RNF216: variants seen among roughly 807,000 people sequenced by gnomAD.
The protein encoded by RNF216 is ring finger protein 216, also known as E3 ubiquitin-protein ligase RNF216.
A neutral mutation model predicts 110.8 loss-of-function variants in RNF216; 72 were observed. That is an observed-to-expected ratio of 0.65 (90% CI 0.54 to 0.79). The LOEUF (loss-of-function observed/expected upper bound fraction) is 0.79. Among genes scored for constraint, RNF216 ranks in the 30% least tolerant of loss-of-function variants. The probability of loss-of-function intolerance (pLI) is 0.00; values close to 1 mark genes in which losing one functional copy is unlikely to be tolerated. For missense variants in RNF216, 1,342 were observed against 1,141.2 expected (o/e 1.18, Z -2.54); for synonymous variants, 495 against 407.5 (o/e 1.21, Z -2.59).
intron 5 of RNF216, among the ~76,000 whole-genome samples, chr7:5,739,029 A>C (rs1794599763): frequency 6.6e-6 from 1 of 152,192 alleles, no homozygotes. Flanking sequence ...TATAGAAAGA[A>C]AGTAGGATGG....
Position 5,624,059 on chromosome 7 carries a change from C to T in RNF216, c.2449G>A (p.Gly817Arg), listed in dbSNP as rs1173916437. The T allele has an allele frequency of 1.2e-6, 2 of 1,613,496 alleles. No homozygotes were observed. The highest frequency in any genetic ancestry group is 1.7e-6 in the Non-Finnish European group (2 of 1,179,842). ...GGGCCTGGGGAGGGGCACTTGCCTCCATTCTTTCTTTTCTGTTCCTCTTCA... is the reference window on the plus strand; with the variant it reads ...GGGCCTGGGGAGGGGCACTTGCCTCTATTCTTTCTTTTCTGTTCCTCTTCA... ...EAEEEQKRKN[G>R]ENTFKRIGPP... is the part of the protein sequence containing the mutation. The change falls in exon 16 of 17, where the codon GGA (glycine) becomes AGA (arginine). Residue 817 changes from glycine (G) to arginine (R), a missense_variant. By Grantham distance (125) the Gly-to-Arg change is moderately radical. Transcript: ENST00000389902. This position sits in a 1 kb window ranked among gnomAD's most constrained non-coding sequence, Gnocchi z 4.4.
At chr7:5,719,975 C>T (rs940538527) in intron 9 of RNF216, among the ~76,000 whole-genome samples, 2 of 152,180 alleles carry the variant, frequency 1.3e-5, no homozygotes, top group Non-Finnish European at 1.5e-5. Context: ...ACGGTCAAAA[C>T]TTGGTAAAGT....
chr7:5,709,432 G>A (rs1455612486), intron 13 of RNF216, among the ~76,000 whole-genome samples: 3 of 152,144 alleles, frequency 2.0e-5, no homozygotes, highest in Non-Finnish European at 4.4e-5. Context: ...TGGTCCTTCC[G>A]TTGTTGTTGA....
At chr7:5,642,822 T>C (rs1038911674) in intron 14 of RNF216, among the ~76,000 whole-genome samples, 3 of 152,234 alleles carry the variant, frequency 2.0e-5, no homozygotes, top group Non-Finnish European at 4.4e-5. Flanking sequence ...TGAAAAGCTA[T>C]GTGCCCAAAC....
At chr7:5,752,167 G>C (rs1316198885) in intron 3 of RNF216, among the ~76,000 whole-genome samples, 1 of 151,664 alleles carries the variant, frequency 6.6e-6, no homozygotes, top group Non-Finnish European at 1.5e-5. Context: ...TCTGGGAAAA[G>C]AGCAAAACTC....
At chr7:5,707,427 G>A (rs1792364045) in intron 13 of RNF216, among the ~76,000 whole-genome samples, 1 of 151,900 alleles carries the variant, frequency 6.6e-6, no homozygotes, top group Non-Finnish European at 1.5e-5. Context: ...TTCTCTTTTT[G>A]GAGTGTTTGT....
In RNF216 at chr7:5,652,427, C is replaced by T. The variant is rs1266472460; in HGVS notation, c.2145G>A (p.Lys715=). ...CTGTTACTCACATAGAGGTACGGTA[C>T]TTGATGTCGTCTTTTTCAGCCAGCT... ...CEELAEKDDI[K]YRTSIEEKMT... Residue 715 remains lysine (K), a synonymous_variant, in exon 14 of 17, where the codon AAG becomes AAA. Coordinates refer to ENST00000389902, the MANE Select transcript of RNF216 (RefSeq NM_207111.4). 1.2e-6 allele frequency: 2 copies of T among 1,612,020 alleles called. No homozygotes were observed. The highest frequency in any genetic ancestry group is 8.5e-7 in the Non-Finnish European group (1 of 1,178,156).
chr7:5,721,539 T>C (rs904825494), intron 8 of RNF216, among the ~76,000 whole-genome samples: 2 of 152,224 alleles, frequency 1.3e-5, no homozygotes, highest in African/African-American at 2.4e-5. Flanking sequence ...TGTTGGTGAA[T>C]GTATGTCCGC....
intron 13 of RNF216, among the ~76,000 whole-genome samples, chr7:5,709,090 T>G (rs73064612): frequency 0.037 from 5,668 of 152,122 alleles, 144 homozygotes; most frequent in Non-Finnish European, 0.059. Context: ...GGACTCATGC[T>G]CCAACTCCTT....
intron 13 of RNF216, among the ~76,000 whole-genome samples, chr7:5,691,141 G>A (rs1242634538): frequency 1.3e-5 from 2 of 152,170 alleles, no homozygotes; most frequent in African/African-American, 4.8e-5. Context: ...AACCGTGTGT[G>A]TAGACGGTGA....
intron 13 of RNF216, among the ~76,000 whole-genome samples, chr7:5,681,064 G>A (rs1461952112): frequency 1.3e-5 from 2 of 152,154 alleles, no homozygotes; most frequent in African/African-American, 4.8e-5. Context: ...TCCCACACTG[G>A]GGTCTCAGCT....
At chr7:5,686,808 G>C (rs1791016412) in intron 13 of RNF216, among the ~76,000 whole-genome samples, 2 of 152,184 alleles carry the variant, frequency 1.3e-5, no homozygotes, top group Admixed American at 1.3e-4. Context: ...TGGAGAGATG[G>C]CTTCAGGCAT....
chr7:5,682,043 C>T (rs889435429), intron 13 of RNF216, among the ~76,000 whole-genome samples: 6 of 152,230 alleles, frequency 3.9e-5, no homozygotes, highest in African/African-American at 1.2e-4. Context: ...CGGCTGCTGC[C>T]TCTTCTCAGG....
chr7:5,685,176 T>C (rs1189414183), intron 13 of RNF216, among the ~76,000 whole-genome samples: 1 of 152,130 alleles, frequency 6.6e-6, no homozygotes, highest in African/African-American at 2.4e-5. Flanking sequence ...GGGCTGCCCA[T>C]GTACAATGTC....
chr7:5,743,123 T>C (rs1383690199), intron 3 of RNF216, among the ~76,000 whole-genome samples: 1 of 151,880 alleles, frequency 6.6e-6, no homozygotes, highest in African/African-American at 2.4e-5. Context: ...CAGCTGGACA[T>C]GGTGGCGTGT....
rs558822123 is a variant in RNF216 at position 5,741,572 on chromosome 7, T to G, written c.445A>C (p.Ser149Arg). Residue 149 changes from serine to arginine, a missense_variant, in exon 4 of 17, where the codon AGT (serine) becomes CGT (arginine). Ser to Arg is a moderately radical substitution (Grantham distance 110, BLOSUM62 -1). Coordinates refer to ENST00000389902, the MANE Select transcript of RNF216 (RefSeq NM_207111.4). ...PPGISEFTKP[S>R]GQTEREPKPG... The stretch of plus-strand genomic sequence containing the variant: ...TTGGGTTCTCTTTCTGTTTGGCCAC[T>G]TGGCTTAGTGAATTCAGAGATTCCA... The G allele has an allele frequency of 6.7e-4, 1,079 of 1,614,156 alleles. 18 individuals are homozygous for G. The South Asian group carries it at 0.011, about 16-fold the overall frequency.
chr7:5,680,868 G>A lies in RNF216; in HGVS notation c.2062-28358C>T, dbSNP rs916094565. On this transcript the variant is annotated intron_variant, in intron 13 of 16. Coordinates refer to ENST00000389902, the MANE Select transcript of RNF216 (RefSeq NM_207111.4). This position sits in a 1 kb window ranked among gnomAD's most constrained non-coding sequence, Gnocchi z 4.3. ...TTTCTCTTTACCCCCACTCATTCCAGCTTGTCCTTTCTGTTCCGCCTCCAA... is the reference window on the plus strand; with the variant it reads ...TTTCTCTTTACCCCCACTCATTCCAACTTGTCCTTTCTGTTCCGCCTCCAA... Among the ~76,000 whole-genome samples the A allele has an allele frequency of 1.3e-5, 2 of 152,078 alleles. No individual in the cohort carries two copies. Among genetic ancestry groups the A allele is most frequent in the Non-Finnish European group, 2.9e-5 (2 of 68,010 alleles).
chr7:5,719,431 C>G (rs1176317348), intron 9 of RNF216, among the ~76,000 whole-genome samples: 2 of 152,110 alleles, frequency 1.3e-5, no homozygotes, highest in South Asian at 2.1e-4. Context: ...GAGTCCAGGT[C>G]TGAGAAAGCA....
chr7:5,724,373 G>C (rs895855021), intron 8 of RNF216, among the ~76,000 whole-genome samples: 1 of 152,188 alleles, frequency 6.6e-6, no homozygotes. Flanking sequence ...TGACCAACAA[G>C]GAAGTCAACT....
Sources: allele counts gnomAD v4.1 joint callset (sites outside exome capture counted in the v4.1 genomes callset), GRCh38; gene constraint gnomAD v4.1.1; non-coding constraint Gnocchi (gnomAD v3.1); transcripts MANE v1.5; gene names NCBI Gene and HGNC (gene_info 2026-07-23, HGNC 2026-07-21).